DMRT1: variants seen among roughly 807,000 people sequenced by gnomAD.
DMRT1 encodes the protein doublesex and mab-3 related transcription factor 1.
Under a neutral mutation model 32.3 loss-of-function variants are expected in DMRT1, and 7 were observed. The ratio of observed to expected loss-of-function variants is 0.22; its 90% CI spans 0.12 to 0.41. The LOEUF (loss-of-function observed/expected upper bound fraction) is 0.41, where lower values mean the gene tolerates loss of function less well. Ranked by LOEUF, DMRT1 falls within the 10% of genes least tolerant of loss-of-function variation. DMRT1 has a pLI of 1.00. For synonymous variants in DMRT1, 278 were observed against 206.1 expected, an observed-to-expected ratio of 1.35 and a Z score of -2.99; for missense variants, 625 against 500.5, an observed-to-expected ratio of 1.25 and a Z score of -2.37.
intron 4 of DMRT1, among the ~76,000 whole-genome samples, chr9:931,786 C>T (rs1818735598): frequency 6.6e-6 from 1 of 152,192 alleles, no homozygotes. Flanking sequence ...AAGGCCCTGT[C>T]TCCAAATACA....
At chr9:858,219 G>A (rs1352559931) in intron 2 of DMRT1, among the ~76,000 whole-genome samples, 2 of 152,180 alleles carry the variant, frequency 1.3e-5, no homozygotes, top group Non-Finnish European at 2.9e-5. Context: ...AGTGGGAAGA[G>A]GGCAGTTCAC....
rs117918719 is a variant in DMRT1 at position 906,874 on chromosome 9, T to C, written c.823-9889T>C. On this transcript the variant is annotated intron_variant, in intron 3 of 4. Coordinates refer to ENST00000382276, the MANE Select transcript of DMRT1 (RefSeq NM_021951.3). The stretch of plus-strand genomic sequence containing the variant: ...CGTCTGAGGTGATTTACTTTGAATC[T>C]TGCTGTCTGTACTTAATTCCTTGGG... 3.9e-4 allele frequency among the ~76,000 whole-genome samples: 60 copies of C among 152,352 alleles called. 1 individual carries two copies. In the East Asian group the frequency reaches 0.011, roughly 28 times the overall value.
chr9:907,837 G>A (rs1027309274), intron 3 of DMRT1, among the ~76,000 whole-genome samples: 5 of 148,564 alleles, frequency 3.4e-5, no homozygotes, highest in Admixed American at 2.7e-4. Context: ...ATATGTGTGT[G>A]TGTGTGTGTG....
At chr9:947,583 T>G (rs1262786036) in intron 4 of DMRT1, among the ~76,000 whole-genome samples, 1 of 152,182 alleles carries the variant, frequency 6.6e-6, no homozygotes, top group Non-Finnish European at 1.5e-5. Flanking sequence ...GAATTTAAAT[T>G]CTGGAAGTTG....
At chr9:887,052 G>T (rs1226401140) in intron 2 of DMRT1, among the ~76,000 whole-genome samples, 1 of 152,214 alleles carries the variant, frequency 6.6e-6, no homozygotes, top group African/African-American at 2.4e-5. Context: ...TTAGCTGGGC[G>T]TGGTGGCGGG....
intron 4 of DMRT1, 102 bp downstream of exon 4, chr9:917,009 T>C (rs990989372): frequency 7.4e-6 from 10 of 1,344,610 alleles, no homozygotes; most frequent in Admixed American, 1.7e-5. Context: ...TAGTAATTGT[T>C]GGAAATTTTA....
intron 2 of DMRT1, among the ~76,000 whole-genome samples, chr9:868,379 T>A (rs1816083160): frequency 6.6e-6 from 1 of 152,244 alleles, no homozygotes; most frequent in African/African-American, 2.4e-5. Context: ...TGATATTTGA[T>A]AATATCCGGT....
Position 846,988 on chromosome 9 carries a change from A to T in DMRT1, c.383A>T (p.Glu128Val). Residue 128 changes from glutamate (E) to valine (V), a missense_variant, in exon 2 of 5, where the codon GAG becomes GTG. Around this residue, in one of 3 missense-constraint regions of DMRT1, gnomAD observed 416 missense variants for 321.6 expected, o/e 1.29. Coordinates refer to ENST00000382276, the MANE Select transcript of DMRT1 (RefSeq NM_021951.3). ...QVALRRQQAQ[E>V]EELGISHPIP... ...GCCCTGAGAAGGCAGCAGGCCCAGG[A>T]GGAGGAATTGGGTATCAGCCACCCC... 2 of 1,614,124 alleles carry T rather than the reference A, an allele frequency of 1.2e-6. No individual in the cohort carries two copies. Among genetic ancestry groups the T allele is most frequent in the Non-Finnish European group, 1.7e-6 (2 of 1,180,034 alleles).
At chr9:903,438 CA>C (rs1289086366) in intron 3 of DMRT1, among the ~76,000 whole-genome samples, 1 of 152,208 alleles carries the variant, frequency 6.6e-6, no homozygotes, top group Admixed American at 6.5e-5. Flanking sequence ...GTTTTTATTA[CA>C]CCTTTCCTTG....
chr9:862,317 C>G (rs936931137), intron 2 of DMRT1, among the ~76,000 whole-genome samples: 1 of 152,158 alleles, frequency 6.6e-6, no homozygotes, highest in African/African-American at 2.4e-5. Flanking sequence ...CCCGCCAACA[C>G]GGCGAAACCC....
At chr9:861,800 C>G (rs534333097) in intron 2 of DMRT1, among the ~76,000 whole-genome samples, 714 of 42,392 alleles carry the variant, frequency 0.017, 9 homozygotes, top group African/African-American at 0.051. Context: ...GGGGCGGCTG[C>G]CGGGCGGGGG....
intron 4 of DMRT1, among the ~76,000 whole-genome samples, chr9:928,920 C>T (rs1190909552): frequency 6.6e-6 from 1 of 151,716 alleles, no homozygotes. Flanking sequence ...TCACTGCAAC[C>T]TCCGCCTCCC....
chr9:855,436 G>A (rs1205389563), intron 2 of DMRT1, among the ~76,000 whole-genome samples: 1 of 152,298 alleles, frequency 6.6e-6, no homozygotes, highest in East Asian at 1.9e-4. Flanking sequence ...TTTCTGTATA[G>A]TACAGTACCT....
intron 2 of DMRT1, 114 bp from the exon 3 acceptor site, chr9:893,798 T>A: frequency 1.1e-6 from 1 of 949,476 alleles, no homozygotes; most frequent in Non-Finnish European, 1.6e-6. Context: ...TGGTTTTGTC[T>A]TCTGCATATT....
chr9:903,461 G>C (rs4740965), intron 3 of DMRT1, among the ~76,000 whole-genome samples: 1 of 152,066 alleles, frequency 6.6e-6, no homozygotes, highest in African/African-American at 2.4e-5. Flanking sequence ...AGGAATTGCT[G>C]TTTTGTTTCA....
rs576478436 is a variant in DMRT1 at position 846,894 on chromosome 9, G to A, written c.355-66G>A. ...AATCATGGTGTCTGGGATGGGTGGG[G>A]CTTCTGTGTTTTGGCAAAGCTGATT... On this transcript the variant is annotated intron_variant, in intron 1 of 4. Transcript: ENST00000382276. 3.7e-5 allele frequency: 58 copies of A among 1,588,996 alleles called. No individual in the cohort carries two copies. In the East Asian group the frequency reaches 1.3e-3, roughly 34 times the overall value.
chr9:926,115 A>T (rs534083772), intron 4 of DMRT1, among the ~76,000 whole-genome samples: 1 of 152,376 alleles, frequency 6.6e-6, no homozygotes, highest in African/African-American at 2.4e-5. Context: ...GTAGCACATT[A>T]CTGTCACAGT....
intron 2 of DMRT1, among the ~76,000 whole-genome samples, chr9:861,732 G>GC (rs1416951166): frequency 1.4e-5 from 2 of 145,666 alleles, no homozygotes; most frequent in Non-Finnish European, 3.0e-5. Flanking sequence ...GGCAGGGGCT[G>GC]CCCCCCACCT....
chr9:912,263 C>T (rs1040073706), intron 3 of DMRT1, among the ~76,000 whole-genome samples: 16 of 152,330 alleles, frequency 1.1e-4, no homozygotes, highest in Non-Finnish European at 1.9e-4. Context: ...CCGCCTACCA[C>T]GTTCCTTCTT....
Sources: gnomAD v4.1 joint callset for allele counts (sites outside exome capture counted in the v4.1 genomes callset) on GRCh38, gnomAD v4.1.1 for gene constraint, gnomAD v4.1.1 regional missense constraint, MANE v1.5 for transcripts, NCBI Gene and HGNC (gene_info 2026-07-23, HGNC 2026-07-21) for gene names.